WIPF3: variants seen among roughly 807,000 people sequenced by gnomAD.
The protein encoded by WIPF3 is WAS/WASL-interacting protein family member 3.
A neutral mutation model predicts 38.9 loss-of-function variants in WIPF3; 33 were observed. The ratio of observed to expected loss-of-function variants is 0.85; its 90% CI spans 0.64 to 1.14. The LOEUF (loss-of-function observed/expected upper bound fraction) is 1.14, where lower values mean the gene tolerates loss of function less well. WIPF3 is among the 50% of genes most tolerant of loss of function. The pLI is 0.00. For missense variants in WIPF3, 711 were observed against 652.5 expected (o/e 1.09, Z -0.98); for synonymous variants, 324 against 269.3 (o/e 1.20, Z -1.99).
chr7:29,833,125 G>T (rs1050188590), intron 1 of WIPF3, among the ~76,000 whole-genome samples: 1 of 152,218 alleles, frequency 6.6e-6, no homozygotes, highest in African/African-American at 2.4e-5. Flanking sequence ...CAAATTCATA[G>T]AGACAGAAAG....
intron 1 of WIPF3, among the ~76,000 whole-genome samples, chr7:29,829,756 C>T (rs1562772212): frequency 1.3e-5 from 2 of 152,168 alleles, no homozygotes; most frequent in African/African-American, 2.4e-5. Flanking sequence ...GAACCTGGGG[C>T]CGCCTGGTTC....
At chr7:29,858,442 C>T (rs1785223682) in intron 2 of WIPF3, among the ~76,000 whole-genome samples, 1 of 152,216 alleles carries the variant, frequency 6.6e-6, no homozygotes, top group Non-Finnish European at 1.5e-5. Flanking sequence ...ACACCACTCT[C>T]ATTACATATA....
At chr7:29,870,341 G>T (rs1461784653) in intron 2 of WIPF3, among the ~76,000 whole-genome samples, 1 of 152,136 alleles carries the variant, frequency 6.6e-6, no homozygotes, top group Non-Finnish European at 1.5e-5. Context: ...TTGTGTGGGG[G>T]AGGGCAAGGA....
At chr7:29,832,470 A>G (rs1784737464) in intron 1 of WIPF3, among the ~76,000 whole-genome samples, 2 of 152,160 alleles carry the variant, frequency 1.3e-5, no homozygotes, top group Non-Finnish European at 2.9e-5. Context: ...AACACGTACT[A>G]CCCCATGAGA....
At chr7:29,846,395 A>G (rs1785001345) in intron 2 of WIPF3, among the ~76,000 whole-genome samples, 2 of 152,242 alleles carry the variant, frequency 1.3e-5, no homozygotes. Context: ...CCTGTACCAC[A>G]TAGAGTATTT....
At chr7:29,885,725 A>C (rs1785861813) in intron 5 of WIPF3, among the ~76,000 whole-genome samples, 2 of 152,168 alleles carry the variant, frequency 1.3e-5, no homozygotes. Flanking sequence ...CTAAGGCAGG[A>C]GGATCGTTTG....
intron 8 of WIPF3, among the ~76,000 whole-genome samples, chr7:29,913,767 T>C (rs1215550152): frequency 6.6e-6 from 1 of 152,220 alleles, no homozygotes; most frequent in Non-Finnish European, 1.5e-5. Flanking sequence ...TCTTCCATAA[T>C]GCCTCACTGC....
At chr7:29,860,434 T>C (rs1195129653) in intron 2 of WIPF3, among the ~76,000 whole-genome samples, 1 of 152,096 alleles carries the variant, frequency 6.6e-6, no homozygotes, top group Non-Finnish European at 1.5e-5. Context: ...CCTGTCTCTC[T>C]TCCTTCCTCT....
At position 29,884,556 on chromosome 7, in the gene WIPF3, C is replaced by A; in HGVS notation, c.1062C>A (p.Ser354=). 6.2e-7 allele frequency: 1 copy of A among 1,603,124 alleles called. No individual in the cohort carries two copies. The change falls in exon 5 of 9, where the codon TCC becomes TCA. Residue 354 remains serine (S), a synonymous_variant. Transcript: ENST00000242140. ...CCGCCCCGCCTGCCCCTCCGGGCTC[C>A]CAGCCGTTCCTGCAGAAGAAGAGGC... ...ALPAPPAPPG[S]QPFLQKKRHG... is the part of the protein sequence containing the mutation.
chr7:29,813,752 A>G (rs915073532), intron 1 of WIPF3, among the ~76,000 whole-genome samples: 2 of 152,150 alleles, frequency 1.3e-5, no homozygotes, highest in East Asian at 1.9e-4. Context: ...CAGTTGTGCA[A>G]CCATCGCCAT....
chr7:29,905,434 T>C (rs1467339968), intron 8 of WIPF3: 1 of 152,224 alleles, frequency 6.6e-6, no homozygotes, highest in Non-Finnish European at 1.5e-5. Flanking sequence ...ATCTGTCTGA[T>C]GTAATTTGTC....
intron 1 of WIPF3, among the ~76,000 whole-genome samples, chr7:29,822,123 G>GTTTTTTTTTTTTTTTTTTTTTT: frequency 4.8e-5 from 3 of 62,874 alleles, no homozygotes; most frequent in Non-Finnish European, 8.7e-5. Flanking sequence ...TTTTTTCTTA[G>GTTTTTTTTTTTTTTTTTTTTTT]TTTTTTTTTT....
chr7:29,854,757 C>G (rs1032729171), intron 2 of WIPF3, among the ~76,000 whole-genome samples: 3 of 152,294 alleles, frequency 2.0e-5, no homozygotes, highest in Admixed American at 2.0e-4. Context: ...GGCCAAATTC[C>G]AATGTCGAAA....
At chr7:29,909,050 A>G (rs1386619466) in intron 8 of WIPF3, among the ~76,000 whole-genome samples, 1 of 152,158 alleles carries the variant, frequency 6.6e-6, no homozygotes, top group Non-Finnish European at 1.5e-5. Context: ...TAAACAACCA[A>G]TGGATCAAAG....
chr7:29,883,827 C>T, intron 4 of WIPF3, 23 bp from the exon 5 acceptor site: 1 of 1,518,048 alleles, frequency 6.6e-7, no homozygotes, highest in Non-Finnish European at 8.8e-7. Context: ...GCCGAGCTAA[C>T]CCAGAATCTC....
intron 2 of WIPF3, among the ~76,000 whole-genome samples, chr7:29,838,191 T>TA (rs1394744574): frequency 2.0e-5 from 3 of 152,226 alleles, no homozygotes; most frequent in Admixed American, 2.0e-4. Context: ...GTGCTGGGAT[T>TA]ACAGGCGTGA....
chr7:29,866,518 A>G (rs1168616100), intron 2 of WIPF3, among the ~76,000 whole-genome samples: 3 of 152,348 alleles, frequency 2.0e-5, no homozygotes, highest in Admixed American at 6.5e-5. Context: ...GGTATCAGCC[A>G]CACAGCATAG....
At chr7:29,872,518 G>C (rs975142391) in intron 2 of WIPF3, among the ~76,000 whole-genome samples, 2 of 152,166 alleles carry the variant, frequency 1.3e-5, no homozygotes, top group Non-Finnish European at 2.9e-5. Context: ...GTGAGGCCGG[G>C]CACAGTGGCT....
chr7:29,833,742 C>CA (rs1784757384), intron 1 of WIPF3, among the ~76,000 whole-genome samples: 1 of 152,200 alleles, frequency 6.6e-6, no homozygotes, highest in African/African-American at 2.4e-5. Flanking sequence ...AGCAGGAATA[C>CA]AAAATCACCC....
Sources: allele counts gnomAD v4.1 joint callset (sites outside exome capture counted in the v4.1 genomes callset), GRCh38; gene constraint gnomAD v4.1.1; transcripts MANE v1.5; gene names NCBI Gene and HGNC (gene_info 2026-07-23, HGNC 2026-07-21).